Variants in PADI4 observed in about 807,000 individuals in gnomAD.
PADI4 encodes protein-arginine deiminase type-4.
In PADI4, 62 loss-of-function variants were observed where a neutral mutation model predicts 75.0. The ratio of observed to expected loss-of-function variants is 0.83; its 90% CI spans 0.67 to 1.02. The LOEUF is 1.02. Among genes scored for constraint, PADI4 ranks in the 50% least tolerant of loss-of-function variants. The pLI is 0.00. For synonymous variants in PADI4, 361 were observed against 348.1 expected (o/e 1.04, Z -0.41); for missense variants, 845 against 850.5 (o/e 0.99, Z 0.08).
At chr1:17,358,994 G>A (rs1570100685) in intron 14 of PADI4, 86 bp downstream of exon 14, 2 of 895,340 alleles carry the variant, frequency 2.2e-6, no homozygotes, top group East Asian at 2.6e-5. Flanking sequence ...GGCACACAGA[G>A]GCTCAGGGTC....
intron 1 of PADI4, among the ~76,000 whole-genome samples, chr1:17,318,100 G>T (rs1221465719): frequency 1.3e-5 from 2 of 152,226 alleles, no homozygotes; most frequent in Admixed American, 6.5e-5. Context: ...CCCAGAATCT[G>T]CATTTTTAAC....
chr1:17,352,711 T>G (rs915935505), intron 10 of PADI4, among the ~76,000 whole-genome samples: 1 of 152,014 alleles, frequency 6.6e-6, no homozygotes, highest in African/African-American at 2.4e-5. Context: ...AGGAACAGAT[T>G]GATGGAGAAT....
At chr1:17,308,574 TC>T (rs2073717850) in intron 1 of PADI4, among the ~76,000 whole-genome samples, 1 of 152,168 alleles carries the variant, frequency 6.6e-6, no homozygotes. Context: ...AACCAGGCCA[TC>T]CATCTCCCTG....
intron 1 of PADI4, among the ~76,000 whole-genome samples, chr1:17,316,526 A>G (rs2073937651): frequency 6.6e-6 from 1 of 151,454 alleles, no homozygotes. Context: ...CGTCTCTACT[A>G]AAAATACAAA....
In PADI4 at chr1:17,339,727, C is replaced by A. The variant is rs142590988; in HGVS notation, c.566C>A (p.Thr189Asn). 2.3e-3 allele frequency: 3,703 copies of A among 1,613,870 alleles called. 8 individuals carry two copies. Among genetic ancestry groups the A allele is most frequent in the Non-Finnish European group, 2.6e-3 (3,019 of 1,179,848 alleles). The change falls in exon 6 of 16, where the codon ACC becomes AAC. Residue 189 changes from threonine (T) to asparagine (N), a missense_variant. Coordinates refer to ENST00000375448, the MANE Select transcript of PADI4 (RefSeq NM_012387.3). ...TCGCTGATGACCCTGAGCACGAAGA[C>A]CCCCAAGGACTTCTTCACAAACCAT... Reference protein sequence around the residue: ...DMSLMTLSTKTPKDFFTNHTL... With the variant: ...DMSLMTLSTKNPKDFFTNHTL...
chr1:17,333,855 C>A lies in PADI4; in HGVS notation c.274-88C>A, dbSNP rs541326242. The stretch of plus-strand genomic sequence containing the variant: ...CTTGCCCAACTTTGTCTCCCCAGTG[C>A]CCTACCCTGAGCCGGCACATAGGAG... On this transcript the variant is annotated intron_variant, in intron 2 of 15. Coordinates refer to ENST00000375448, the MANE Select transcript of PADI4 (RefSeq NM_012387.3). 1,277 of 982,172 alleles carry A rather than the reference C, an allele frequency of 1.3e-3. 10 individuals carry two copies. The highest frequency in any genetic ancestry group is 8.9e-3 in the South Asian group (668 of 74,922). 60.8% of individuals were successfully genotyped at this position (982,172 alleles called of 1,614,324 possible).
chr1:17,355,895 C>A, intron 11 of PADI4, 88 bp from the exon 12 acceptor site: 2 of 1,371,350 alleles, frequency 1.5e-6, no homozygotes, highest in South Asian at 1.2e-5. Context: ...GAAGGAGAAC[C>A]CTGACCTTTT....
chr1:17,335,992 G>A (rs1352843777), intron 3 of PADI4, among the ~76,000 whole-genome samples, 167 bp from the exon 4 acceptor site: 9 of 152,258 alleles, frequency 5.9e-5, no homozygotes, highest in African/African-American at 2.2e-4. Flanking sequence ...TGGGGGCCGT[G>A]GAGGAGGGAT....
chr1:17,321,361 ACT>A lies in PADI4; in HGVS notation c.93-9603_93-9602del, dbSNP rs539218461. On this transcript the variant is annotated intron_variant, in intron 1 of 15. Transcript: ENST00000375448. Reference sequence around the variant, plus strand: ...GGGGGCCAGGCCAGGGCCCACCCTCACTCTCTTTATGAAGCAGAGATCCAATA... The same window carrying A: ...GGGGGCCAGGCCAGGGCCCACCCTCACTCTTTATGAAGCAGAGATCCAATA... Among the ~76,000 whole-genome samples the A allele has an allele frequency of 2.3e-3, 354 of 152,160 alleles. 2 individuals carry two copies. The highest frequency in any genetic ancestry group is 8.1e-3 in the African/African-American group (336 of 41,506).
At chr1:17,334,688 C>T (rs1161799924) in intron 3 of PADI4, 4 of 452,480 alleles carry the variant, frequency 8.8e-6, no homozygotes, top group Non-Finnish European at 1.8e-5. Flanking sequence ...TAGTGTTCCT[C>T]AAATTCCATT....
chr1:17,353,355 T>C (rs2074700500), intron 10 of PADI4, among the ~76,000 whole-genome samples: 1 of 152,094 alleles, frequency 6.6e-6, no homozygotes, highest in East Asian at 1.9e-4. Context: ...TGGTCCCAGC[T>C]ACTCGGGCGG....
chr1:17,363,645 A>C lies in PADI4; in HGVS notation c.1882A>C (p.Thr628Pro), dbSNP rs771872574. Reference protein sequence around the residue: ...SLLEPLGLQCTFINDFFTYHI... With the variant: ...SLLEPLGLQCPFINDFFTYHI... ...GCTGGAGCCACTGGGCCTCCAGTGC[A>C]CCTTCATCAACGACTTCTTCACCTA... The change falls in exon 16 of 16, where the codon ACC becomes CCC. Residue 628 changes from threonine to proline, a missense_variant. Coordinates refer to ENST00000375448, the MANE Select transcript of PADI4 (RefSeq NM_012387.3). 6 of 1,614,016 alleles carry C rather than the reference A, an allele frequency of 3.7e-6. No homozygotes were observed. The highest frequency in any genetic ancestry group is 1.7e-5 in the Admixed American group (1 of 60,026).
chr1:17,357,460 C>T (rs542113529), intron 13 of PADI4, among the ~76,000 whole-genome samples: 1 of 152,150 alleles, frequency 6.6e-6, no homozygotes. Flanking sequence ...AGCCACCACG[C>T]CTGGCTTAAA....
intron 2 of PADI4, among the ~76,000 whole-genome samples, chr1:17,331,691 G>T (rs1419803753): frequency 1.3e-5 from 2 of 152,138 alleles, no homozygotes; most frequent in Non-Finnish European, 2.9e-5. Context: ...GCCGAGGCGG[G>T]TGGATCACCT....
chr1:17,310,308 G>A (rs775210029), intron 1 of PADI4, among the ~76,000 whole-genome samples: 4 of 152,072 alleles, frequency 2.6e-5, no homozygotes, highest in Non-Finnish European at 5.9e-5. Flanking sequence ...ACTCAACCCA[G>A]GCAGCCTGAC....
At chr1:17,338,673 G>T (rs1488262693) in intron 5 of PADI4, among the ~76,000 whole-genome samples, 1 of 152,208 alleles carries the variant, frequency 6.6e-6, no homozygotes, top group Non-Finnish European at 1.5e-5. Context: ...CTCGGGGTTT[G>T]AACCCCGGAC....
At chr1:17,330,272 A>T (rs774434951) in intron 1 of PADI4, among the ~76,000 whole-genome samples, 4 of 152,278 alleles carry the variant, frequency 2.6e-5, no homozygotes, top group Non-Finnish European at 4.4e-5. Context: ...CTTACTCCCC[A>T]CGGTCAGAGT....
Position 17,363,505 on chromosome 1 carries a change from C to G in PADI4, c.1759-17C>G. The stretch of plus-strand genomic sequence containing the variant: ...TGCCCGCTGCTGCCTGTGACCTGAA[C>G]CCTCACTTCCCTGCAGGTGAACATG... On this transcript the variant is annotated splice_polypyrimidine_tract_variant and intron_variant, in intron 15 of 15. Coordinates refer to ENST00000375448, the MANE Select transcript of PADI4 (RefSeq NM_012387.3). 2.5e-6 allele frequency: 4 copies of G among 1,581,886 alleles called. No individual in the cohort carries two copies. The highest frequency in any genetic ancestry group is 3.5e-6 in the Non-Finnish European group (4 of 1,152,608).
chr1:17,345,472 T>C (rs1378153953), intron 8 of PADI4, among the ~76,000 whole-genome samples: 1 of 152,180 alleles, frequency 6.6e-6, no homozygotes, highest in Non-Finnish European at 1.5e-5. Flanking sequence ...GGCAGGATGA[T>C]ATGCTTTGGT....
Sources: gnomAD v4.1 joint callset for allele counts (sites outside exome capture counted in the v4.1 genomes callset) on GRCh38, gnomAD v4.1.1 for gene constraint, MANE v1.5 for transcripts, NCBI Gene and HGNC (gene_info 2026-07-23, HGNC 2026-07-21) for gene names.